ERAP2: variants seen among roughly 807,000 people sequenced by gnomAD.
ERAP2 encodes endoplasmic reticulum aminopeptidase 2, also known as leukocyte-derived arginine aminopeptidase.
Under a neutral mutation model 111.1 loss-of-function variants are expected in ERAP2, and 118 were observed. The ratio of observed to expected loss-of-function variants is 1.06; its 90% CI spans 0.92 to 1.24. The LOEUF is 1.24. Among genes scored for constraint, ERAP2 ranks in the 50% most tolerant of loss-of-function variants. ERAP2 has a pLI of 0.00. For missense variants in ERAP2, 1,131 were observed against 1,125.8 expected, an observed-to-expected ratio of 1.00 and a Z score of -0.07; for synonymous variants, 410 against 401.2, an observed-to-expected ratio of 1.02 and a Z score of -0.26.
intron 12 of ERAP2, 180 bp downstream of exon 12, chr5:96,902,533 T>A (rs1231186753): frequency 3.8e-6 from 2 of 523,934 alleles, no homozygotes; most frequent in Non-Finnish European, 6.8e-6. Flanking sequence ...GATTTTTCAT[T>A]CAGTGGGAAG....
At chr5:96,900,638 A>T (rs144073184) in intron 10 of ERAP2, among the ~76,000 whole-genome samples, 2 of 152,160 alleles carry the variant, frequency 1.3e-5, no homozygotes, top group Non-Finnish European at 2.9e-5. Flanking sequence ...TTATTTAAAC[A>T]AAGAGTCATG....
At chr5:96,876,683 A>G (rs1463643541) in intron 1 of ERAP2, among the ~76,000 whole-genome samples, 156 bp downstream of exon 1, 1 of 152,130 alleles carries the variant, frequency 6.6e-6, no homozygotes, top group Admixed American at 6.5e-5. Context: ...CTGTATTAGA[A>G]AGTGTATGCA....
At chr5:96,916,260 C>CA (rs1255071768) in intron 18 of ERAP2, among the ~76,000 whole-genome samples, 4 of 150,202 alleles carry the variant, frequency 2.7e-5, no homozygotes, top group African/African-American at 2.4e-5. Context: ...AAAACAACAG[C>CA]AAAAAAAAGC....
intron 5 of ERAP2, 64 bp downstream of exon 5, chr5:96,889,369 C>T: frequency 6.5e-7 from 1 of 1,543,786 alleles, no homozygotes. Flanking sequence ...GATCTCTTCC[C>T]TCTTTCTCTT....
In ERAP2 at chr5:96,879,892, C is replaced by G. The variant is rs544718303; in HGVS notation, c.207C>G (p.Leu69=). ...GERFPWQELR[L]PSVVIPLHYD... ...GATTTCCTTGGCAGGAGCTAAGGCTCCCCAGTGTGGTCATTCCTCTCCATT... is the reference window on the plus strand; with the variant it reads ...GATTTCCTTGGCAGGAGCTAAGGCTGCCCAGTGTGGTCATTCCTCTCCATT... Residue 69 remains leucine, a synonymous_variant, in exon 2 of 19, where the codon CTC becomes CTG. Coordinates refer to ENST00000437043, the MANE Select transcript of ERAP2 (RefSeq NM_022350.5). The G allele has an allele frequency of 1.9e-6, 3 of 1,614,138 alleles. No individual in the cohort carries two copies. In the South Asian group the frequency reaches 3.3e-5, roughly 18 times the overall value.
chr5:96,889,831 T>TACACACAC (rs58154009), intron 5 of ERAP2, among the ~76,000 whole-genome samples: 5 of 148,644 alleles, frequency 3.4e-5, no homozygotes, highest in Non-Finnish European at 7.5e-5. Flanking sequence ...AAAAAATACA[T>TACACACAC]ACACACACAC....
chr5:96,888,285 A>T (rs1242622264), intron 4 of ERAP2, among the ~76,000 whole-genome samples: 1 of 152,344 alleles, frequency 6.6e-6, no homozygotes, highest in Non-Finnish European at 1.5e-5. Flanking sequence ...TTAGACATGG[A>T]TGTCTATGCA....
chr5:96,883,890 GAA>G lies in ERAP2; in HGVS notation c.675_676del (p.Ser228GlnfsTer12), dbSNP rs777647974. 3.7e-6 allele frequency: 6 copies of G among 1,613,616 alleles called. No individual in the cohort carries two copies. The East Asian group carries it at 1.3e-4, about 36-fold the overall frequency. ...AAAGCCAACTTTTCAATCAAGATAC[GAA>G]GAGAGAGCAGGCATATTGCACTATC... On this transcript the variant is annotated frameshift_variant, in exon 3 of 19. Transcript: ENST00000437043. LOFTEE classifies it high-confidence loss of function.
Position 96,886,735 on chromosome 5 carries a change from C to A in ERAP2, c.795C>A (p.Ala265=). 1 of 1,538,806 alleles carries A rather than the reference C, an allele frequency of 6.5e-7. No homozygotes were observed. Among genetic ancestry groups the A allele is most frequent in the Non-Finnish European group, 8.9e-7 (1 of 1,128,848 alleles). ...TTVKMSTYLV[A]YIVCDFHSLS... Reference sequence around the variant, plus strand: ...TAAAAATGAGTACATACCTTGTAGCCTACATAGTTTGTGATTTCCACTCTC... The same window carrying A: ...TAAAAATGAGTACATACCTTGTAGCATACATAGTTTGTGATTTCCACTCTC... Residue 265 remains alanine (A), a synonymous_variant, in exon 4 of 19, where the codon GCC becomes GCA. Transcript: ENST00000437043.
Position 96,896,719 on chromosome 5 carries a change from T to G in ERAP2, c.1372-13T>G, listed in dbSNP as rs766704061. ...TTTATCTCTTTTTTCAACTCTTTTG[T>G]TTTTTTTTAAAGGGAGCTTGTATTT... On this transcript the variant is annotated splice_polypyrimidine_tract_variant and intron_variant, in intron 8 of 18. Transcript: ENST00000437043. 6.5e-7 allele frequency: 1 copy of G among 1,537,544 alleles called. No homozygotes were observed. The highest frequency in any genetic ancestry group is 8.7e-7 in the Non-Finnish European group (1 of 1,146,472).
chr5:96,881,634 T>C (rs757194325), intron 2 of ERAP2, among the ~76,000 whole-genome samples: 27 of 152,214 alleles, frequency 1.8e-4, no homozygotes, highest in Non-Finnish European at 3.2e-4. Context: ...ATTGCTATAG[T>C]GCTGTTCAGA....
chr5:96,901,194 G>T (rs368481445), intron 10 of ERAP2, among the ~76,000 whole-genome samples: 11,401 of 146,352 alleles, frequency 0.078, 503 homozygotes, highest in South Asian at 0.15. Flanking sequence ...GTTTGATTTT[G>T]TTTGTTTGCT....
chr5:96,909,577 CAGCGTT>C lies in ERAP2; in HGVS notation c.2170-1_2174del. On this transcript the variant is annotated splice_acceptor_variant and coding_sequence_variant, in exon 15 of 19. Transcript: ENST00000437043. LOFTEE classifies it high-confidence loss of function. The stretch of plus-strand genomic sequence containing the variant: ...TCTGTTAACCATCTCATATTTTCTG[CAGCGTT>C]ACCTTCTTCAGTATTTTAAGCCAGT... 6.2e-7 allele frequency: 1 copy of C among 1,612,032 alleles called. No individual in the cohort carries two copies.
Position 96,913,311 on chromosome 5 carries a change from C to T in ERAP2, c.2517-6C>T. 1.2e-6 allele frequency: 2 copies of T among 1,611,582 alleles called. No homozygotes were observed. The highest frequency in any genetic ancestry group is 1.1e-5 in the South Asian group (1 of 90,802). On this transcript the variant is annotated splice_polypyrimidine_tract_variant and splice_region_variant and intron_variant, in intron 16 of 18. Transcript: ENST00000437043. ...ATTTAGAAACAAATTATTTTTCTTT[C>T]TTCAGGTTAATTGAACTAGGAATGG...
Position 96,912,730 on chromosome 5 carries a change from G to A in ERAP2, c.2448G>A (p.Met816Ile). 3 of 1,603,230 alleles carry A rather than the reference G, an allele frequency of 1.9e-6. No individual in the cohort carries two copies. The highest frequency in any genetic ancestry group is 2.5e-6 in the Non-Finnish European group (3 of 1,177,042). Residue 816 changes from methionine (M) to isoleucine (I), a missense_variant, in exon 16 of 19, where the codon ATG becomes ATA. Around this residue, in one of 3 missense-constraint regions of ERAP2, gnomAD observed 279 missense variants for 250.9 expected, o/e 1.11. Coordinates refer to ENST00000437043, the MANE Select transcript of ERAP2 (RefSeq NM_022350.5). ...TTTTAGAGCAATATGAACTGTCAAT[G>A]TCAAGTGCTGAACAAAACAAAATTC... ...NYLLEQYELS[M>I]SSAEQNKILY...
At chr5:96,877,001 GC>G (rs1782599840) in intron 1 of ERAP2, among the ~76,000 whole-genome samples, 1 of 152,068 alleles carries the variant, frequency 6.6e-6, no homozygotes, top group Non-Finnish European at 1.5e-5. Context: ...TTGAGAGAGA[GC>G]CTCGCTCTGT....
At chr5:96,898,424 T>A (rs1296564785) in intron 9 of ERAP2, among the ~76,000 whole-genome samples, 1 of 151,898 alleles carries the variant, frequency 6.6e-6, no homozygotes, top group African/African-American at 2.4e-5. Context: ...TGAGACATAT[T>A]CAAATACATA....
At chr5:96,915,543 T>TGTTA (rs1195483178) in intron 17 of ERAP2, 145 bp from the exon 18 acceptor site, 2 of 421,796 alleles carry the variant, frequency 4.7e-6, no homozygotes, top group Non-Finnish European at 8.2e-6. Flanking sequence ...ACTGGATGAA[T>TGTTA]GTTATTATGG....
At chr5:96,907,151 T>C (rs1418602525) in intron 13 of ERAP2, among the ~76,000 whole-genome samples, 1 of 152,256 alleles carries the variant, frequency 6.6e-6, no homozygotes, top group Non-Finnish European at 1.5e-5. Flanking sequence ...GGACTTTTAC[T>C]GTTGAGCTAA....
Sources: allele counts gnomAD v4.1 joint callset (sites outside exome capture counted in the v4.1 genomes callset), GRCh38; gene constraint gnomAD v4.1.1; regional missense constraint gnomAD v4.1.1; transcripts MANE v1.5; gene names NCBI Gene and HGNC (gene_info 2026-07-23, HGNC 2026-07-21).